CACNA2D3: variants seen among roughly 807,000 people sequenced by gnomAD.
The protein encoded by CACNA2D3 is calcium voltage-gated channel auxiliary subunit alpha2delta 3, also known as voltage-dependent calcium channel subunit alpha-2/delta-3.
CACNA2D3 carries 60 observed loss-of-function variants against 160.6 expected under a neutral mutation model. That is an observed-to-expected ratio of 0.37 (90% CI 0.30 to 0.46). The LOEUF is 0.46. Ranked by LOEUF, CACNA2D3 falls within the 20% of genes least tolerant of loss-of-function variation. The pLI is 1.00. For missense variants in CACNA2D3, 1,205 were observed against 1,365.0 expected (o/e 0.88, Z 1.85); for synonymous variants, 558 against 492.9 (o/e 1.13, Z -1.75).
chr3:54,458,091 T>G (rs1700432198), intron 4 of CACNA2D3, among the ~76,000 whole-genome samples: 1 of 152,124 alleles, frequency 6.6e-6, no homozygotes, highest in Admixed American at 6.6e-5. Context: ...GGTTATTATT[T>G]GTAGGTGAGA....
At chr3:54,539,685 C>G (rs2106659441) in intron 5 of CACNA2D3, among the ~76,000 whole-genome samples, 1 of 152,274 alleles carries the variant, frequency 6.6e-6, no homozygotes, top group Non-Finnish European at 1.5e-5. Context: ...GTTTTCAAAG[C>G]TTTATTTTTT....
chr3:54,381,149 A>T (rs1699096565), intron 3 of CACNA2D3, among the ~76,000 whole-genome samples: 1 of 152,232 alleles, frequency 6.6e-6, no homozygotes, highest in Non-Finnish European at 1.5e-5. Flanking sequence ...TTAAATTCCA[A>T]CACCCCATTT....
At chr3:54,866,619 C>T (rs1384917931) in intron 17 of CACNA2D3, among the ~76,000 whole-genome samples, 1 of 152,206 alleles carries the variant, frequency 6.6e-6, no homozygotes, top group East Asian at 1.9e-4. Context: ...TGGATGTGTA[C>T]AGCTGATTTC....
chr3:54,154,408 A>T (rs1054214282), intron 2 of CACNA2D3, among the ~76,000 whole-genome samples: 1 of 152,168 alleles, frequency 6.6e-6, no homozygotes, highest in African/African-American at 2.4e-5. Flanking sequence ...AGGTCAAGTG[A>T]TGGAGTTACA....
At chr3:54,467,323 G>A (rs1312933409) in intron 4 of CACNA2D3, among the ~76,000 whole-genome samples, 1 of 152,194 alleles carries the variant, frequency 6.6e-6, no homozygotes, top group East Asian at 1.9e-4. Context: ...AGGGAACTGG[G>A]AAGAGTCTTG....
intron 27 of CACNA2D3, among the ~76,000 whole-genome samples, chr3:54,931,358 A>T (rs75599010): frequency 0.036 from 5,509 of 152,266 alleles, 296 homozygotes; most frequent in African/African-American, 0.12. Flanking sequence ...GGACACTTGG[A>T]TGTGGAGGCT....
chr3:54,222,925 T>A (rs888508894), intron 2 of CACNA2D3, among the ~76,000 whole-genome samples: 1 of 152,234 alleles, frequency 6.6e-6, no homozygotes, highest in Admixed American at 6.5e-5. Context: ...ATTACTGATA[T>A]GTTTGAGTTT....
At chr3:54,352,703 C>T (rs2107534548) in intron 3 of CACNA2D3, among the ~76,000 whole-genome samples, 2 of 152,294 alleles carry the variant, frequency 1.3e-5, no homozygotes, top group South Asian at 4.2e-4. Context: ...ATGTCACCTT[C>T]CACTGTGAGT....
intron 2 of CACNA2D3, among the ~76,000 whole-genome samples, chr3:54,245,648 A>G (rs1456591410): frequency 1.3e-5 from 2 of 152,194 alleles, no homozygotes; most frequent in African/African-American, 2.4e-5. Context: ...GGTATAATGC[A>G]GGGCTTGAGA....
At chr3:54,898,512 C>T (rs947917519) in intron 26 of CACNA2D3, among the ~76,000 whole-genome samples, 1 of 152,188 alleles carries the variant, frequency 6.6e-6, no homozygotes, top group Admixed American at 6.5e-5. Flanking sequence ...TGGCCTGAAG[C>T]TCTTTCTTTG....
intron 29 of CACNA2D3, among the ~76,000 whole-genome samples, chr3:54,975,934 C>G (rs1702380894): frequency 6.6e-6 from 1 of 151,986 alleles, no homozygotes; most frequent in Admixed American, 6.6e-5. Context: ...TAATAACACC[C>G]CAGACACTTG....
chr3:54,772,354 G>T (rs538889031), intron 13 of CACNA2D3, among the ~76,000 whole-genome samples: 14 of 151,984 alleles, frequency 9.2e-5, no homozygotes, highest in African/African-American at 3.1e-4. Flanking sequence ...TGACCCGTGA[G>T]TATAGTGCTT....
At chr3:54,777,420 T>C (rs1425408745) in intron 13 of CACNA2D3, among the ~76,000 whole-genome samples, 1 of 152,196 alleles carries the variant, frequency 6.6e-6, no homozygotes, top group Non-Finnish European at 1.5e-5. Context: ...CATGACTAAG[T>C]CTATCTCTCA....
At chr3:54,350,968 G>GGTTTTT (rs1698542647) in intron 3 of CACNA2D3, among the ~76,000 whole-genome samples, 1 of 56,106 alleles carries the variant, frequency 1.8e-5, no homozygotes, top group East Asian at 4.7e-4. Flanking sequence ...TCTTGAGTCT[G>GGTTTTT]TTTTTTTTTT....
chr3:54,552,194 C>G (rs1702169433), intron 5 of CACNA2D3, among the ~76,000 whole-genome samples: 2 of 152,288 alleles, frequency 1.3e-5, no homozygotes, highest in South Asian at 4.2e-4. Context: ...CATCTAGGAA[C>G]TCTCGGAGGG....
chr3:54,760,234 GCC>G, intron 12 of CACNA2D3, among the ~76,000 whole-genome samples: 1 of 676 alleles, frequency 1.5e-3, no homozygotes, highest in Non-Finnish European at 2.5e-3. Context: ...GTCAGGGAGG[GCC>G]TCTCTGATCT....
intron 27 of CACNA2D3, among the ~76,000 whole-genome samples, chr3:54,922,143 T>C (rs1440484085): frequency 1.3e-5 from 2 of 152,096 alleles, no homozygotes; most frequent in Admixed American, 1.3e-4. Context: ...CGTCACAGAA[T>C]CTGAGGACTG....
intron 13 of CACNA2D3, among the ~76,000 whole-genome samples, chr3:54,791,144 G>A (rs1702748825): frequency 6.6e-6 from 1 of 152,132 alleles, no homozygotes; most frequent in Non-Finnish European, 1.5e-5. Context: ...CCACATGACA[G>A]ATGCCTGGGA....
chr3:54,831,828 A>G (rs1334554465), intron 14 of CACNA2D3, among the ~76,000 whole-genome samples: 1 of 152,054 alleles, frequency 6.6e-6, no homozygotes, highest in African/African-American at 2.4e-5. Context: ...TATGTCTAAG[A>G]GTTACAAATC....
Sources: gnomAD v4.1 joint callset for allele counts (sites outside exome capture counted in the v4.1 genomes callset) on GRCh38, gnomAD v4.1.1 for gene constraint, MANE v1.5 for transcripts, NCBI Gene and HGNC (gene_info 2026-07-23, HGNC 2026-07-21) for gene names.